The following SEMA5B variants were observed in gnomAD, a reference collection of about 807,000 sequenced individuals.
The protein encoded by SEMA5B is semaphorin-5B.
Under a neutral mutation model 135.0 loss-of-function variants are expected in SEMA5B, and 66 were observed. The observed-to-expected ratio is 0.49, with a 90% CI of 0.40 to 0.60. The LOEUF (loss-of-function observed/expected upper bound fraction) is 0.60. Ranked by LOEUF, SEMA5B falls within the 20% of genes least tolerant of loss-of-function variation. SEMA5B has a pLI of 0.00. For synonymous variants in SEMA5B, 690 were observed against 639.5 expected, an observed-to-expected ratio of 1.08 and a Z score of -1.19; for missense variants, 1,501 against 1,566.3, an observed-to-expected ratio of 0.96 and a Z score of 0.70.
In SEMA5B at chr3:122,980,759, C is replaced by A. The variant is rs145228873; in HGVS notation, c.-38-19458G>T. ...GCTGTGTACTATCGCCACCATTCAT[C>A]TCTAGCACCTACTCATTTTTCCCTG... On this transcript the variant is annotated intron_variant, in intron 1 of 22. Transcript: ENST00000357599. Among the ~76,000 whole-genome samples the A allele has an allele frequency of 2.3e-3, 348 of 152,294 alleles. 2 individuals are homozygous for A. The highest frequency in any genetic ancestry group is 2.8e-3 in the Non-Finnish European group (193 of 68,014).
At chr3:122,944,421 G>C (rs1939696279) in intron 3 of SEMA5B, among the ~76,000 whole-genome samples, 1 of 152,246 alleles carries the variant, frequency 6.6e-6, no homozygotes, top group Non-Finnish European at 1.5e-5. Flanking sequence ...GCCACACTGT[G>C]TGTCTAGCCT....
At chr3:122,918,765 T>C (rs1938199794) in intron 12 of SEMA5B, among the ~76,000 whole-genome samples, 1 of 152,158 alleles carries the variant, frequency 6.6e-6, no homozygotes, top group Admixed American at 6.5e-5. Flanking sequence ...GTGCCCGAGC[T>C]CTCTTCTTGT....
intron 2 of SEMA5B, among the ~76,000 whole-genome samples, chr3:122,949,449 G>C (rs1171202218): frequency 6.6e-6 from 1 of 152,252 alleles, no homozygotes; most frequent in Non-Finnish European, 1.5e-5. Context: ...CTTGCTTCCA[G>C]CCTGCAAGTT....
chr3:122,913,484 C>A, intron 16 of SEMA5B, 50 bp downstream of exon 16: 2 of 1,575,200 alleles, frequency 1.3e-6, no homozygotes, highest in Non-Finnish European at 1.7e-6. Context: ...GCCCTCCCCT[C>A]GGCTCCAGTA....
intron 1 of SEMA5B, among the ~76,000 whole-genome samples, chr3:123,016,195 A>G (rs889280963): frequency 1.3e-5 from 2 of 152,208 alleles, no homozygotes; most frequent in African/African-American, 4.8e-5. Flanking sequence ...CTGTGAGGGG[A>G]CACAGAGGAA....
Position 122,913,107 on chromosome 3 carries a change from AC to A in SEMA5B, c.2507-47del, listed in dbSNP as rs536485489. On this transcript the variant is annotated intron_variant, in intron 17 of 22. Coordinates refer to ENST00000357599, the MANE Select transcript of SEMA5B (RefSeq NM_001031702.4). ...AGCGACTGGGCGCCCGGCCACCCCGACCCCGGCCTGGGCCTCCCCGGGGCTC... is the reference window on the plus strand; with the variant it reads ...AGCGACTGGGCGCCCGGCCACCCCGACCCGGCCTGGGCCTCCCCGGGGCTC... The A allele has an allele frequency of 4.2e-4, 594 of 1,418,556 alleles. 1 individual carries two copies. The African/African-American group carries it at 7.8e-3, about 19-fold the overall frequency. 87.9% of individuals were successfully genotyped at this position (1,418,556 alleles called of 1,614,324 possible).
chr3:122,931,603 A>C (rs1160935764), intron 5 of SEMA5B, among the ~76,000 whole-genome samples: 1 of 152,230 alleles, frequency 6.6e-6, no homozygotes, highest in Non-Finnish European at 1.5e-5. Flanking sequence ...GAGTATCCTT[A>C]AACCTTTGAA....
chr3:123,013,391 G>A (rs976562982), intron 1 of SEMA5B, among the ~76,000 whole-genome samples: 4 of 152,200 alleles, frequency 2.6e-5, no homozygotes, highest in African/African-American at 4.8e-5. Context: ...CAAAAGGACC[G>A]GTTCACTTGG....
chr3:123,012,473 T>A (rs1249993192), intron 1 of SEMA5B, among the ~76,000 whole-genome samples: 1 of 152,060 alleles, frequency 6.6e-6, no homozygotes, highest in African/African-American at 2.4e-5. Flanking sequence ...GGCCCCTCCG[T>A]CCCTACCCCA....
At position 122,910,080 on chromosome 3, in the gene SEMA5B, T is replaced by C. The variant is rs948225307; in HGVS notation, c.*63A>G. 37 of 1,564,100 alleles carry C rather than the reference T, an allele frequency of 2.4e-5. No individual in the cohort carries two copies. The highest frequency in any genetic ancestry group is 3.2e-5 in the Non-Finnish European group (37 of 1,150,926). On this transcript the variant is annotated 3_prime_UTR_variant, in exon 23 of 23. Transcript: ENST00000357599. The stretch of plus-strand genomic sequence containing the variant: ...GGAGAAAACCAAACTGGCTCCACTG[T>C]CCCATCTCCATCTGCTCTGTGCCTT...
At chr3:122,925,997 G>A (rs72970512) in intron 9 of SEMA5B, among the ~76,000 whole-genome samples, 2,323 of 152,256 alleles carry the variant, frequency 0.015, 65 homozygotes, top group African/African-American at 0.054. Context: ...AAGACTGCTG[G>A]TTAGATTGAG....
chr3:122,916,619 C>T (rs946721288), intron 12 of SEMA5B, among the ~76,000 whole-genome samples: 2 of 152,188 alleles, frequency 1.3e-5, no homozygotes, highest in African/African-American at 2.4e-5. Context: ...AGCTTTCTGA[C>T]CACGCTTTTC....
intron 1 of SEMA5B, among the ~76,000 whole-genome samples, chr3:123,016,398 G>A (rs956630479): frequency 2.6e-5 from 4 of 152,148 alleles, no homozygotes; most frequent in Non-Finnish European, 1.5e-5. Flanking sequence ...ATGGTGTAGT[G>A]TTTGCCTATA....
intron 1 of SEMA5B, among the ~76,000 whole-genome samples, chr3:122,994,273 C>T (rs74738433): frequency 0.028 from 4,201 of 152,222 alleles, 140 homozygotes; most frequent in East Asian, 0.16. Flanking sequence ...CACAGCCTCT[C>T]GTCTCTCCCT....
chr3:123,007,098 G>T (rs994187255), intron 1 of SEMA5B, among the ~76,000 whole-genome samples: 1 of 152,116 alleles, frequency 6.6e-6, no homozygotes, highest in Non-Finnish European at 1.5e-5. Flanking sequence ...TGAGCATGGG[G>T]CAAATTTGCA....
In SEMA5B at chr3:122,915,443, G is replaced by T. The variant is rs1296976026; in HGVS notation, c.1985C>A (p.Ser662Tyr). Reference protein sequence around the residue: ...LGPAIHIANCSRNGAWTPWSS... With the variant: ...LGPAIHIANCYRNGAWTPWSS... ...TGTAAACCCTGTCCTCACATACCTG[G>T]AGCAGTTGGCGATGTGGATGGCTGG... The change falls in exon 14 of 23, where the codon TCC (serine) becomes TAC (tyrosine). Residue 662 changes from serine (S) to tyrosine (Y), a missense_variant. Ser to Tyr is a moderately radical substitution (Grantham distance 144). Around this residue, in one of 2 missense-constraint regions of SEMA5B, gnomAD observed 927 missense variants for 881.6 expected, o/e 1.05. Transcript: ENST00000357599. 1 of 1,609,272 alleles carries T rather than the reference G, an allele frequency of 6.2e-7. No homozygotes were observed.
chr3:123,010,532 T>C (rs939251092), intron 1 of SEMA5B, among the ~76,000 whole-genome samples: 1 of 152,152 alleles, frequency 6.6e-6, no homozygotes, highest in Admixed American at 6.5e-5. Context: ...TGGTGTCGGC[T>C]GGACGCAGTG....
At chr3:122,997,699 C>T (rs1391087300) in intron 1 of SEMA5B, among the ~76,000 whole-genome samples, 3 of 152,216 alleles carry the variant, frequency 2.0e-5, no homozygotes, top group Non-Finnish European at 4.4e-5. Context: ...TGCATCTCTG[C>T]ATAATGCCTG....
Position 122,913,881 on chromosome 3 carries a change from G to A in SEMA5B, c.2109C>T (p.Cys703=), listed in dbSNP as rs769208908. The stretch of plus-strand genomic sequence containing the variant: ...ACCGTTCCTCCCGGCTCTTGCCCAC[G>A]CAGATGCGGCCCCCGTGGCGGGGAG... ...NPAPRHGGRI[C]VGKSREERFC... is the part of the protein sequence containing the mutation. Residue 703 remains cysteine (C), a synonymous_variant, in exon 15 of 23, where the codon TGC becomes TGT. Coordinates refer to ENST00000357599, the MANE Select transcript of SEMA5B (RefSeq NM_001031702.4). 4 of 1,610,616 alleles carry A rather than the reference G, an allele frequency of 2.5e-6. No individual in the cohort carries two copies. In the East Asian group the frequency reaches 6.7e-5, roughly 27 times the overall value.
Sources: gnomAD v4.1 joint callset for allele counts (sites outside exome capture counted in the v4.1 genomes callset) on GRCh38, gnomAD v4.1.1 for gene constraint, gnomAD v4.1.1 regional missense constraint, MANE v1.5 for transcripts, NCBI Gene and HGNC (gene_info 2026-07-23, HGNC 2026-07-21) for gene names.